The following TMEM260 variants were observed in gnomAD, a reference collection of about 807,000 sequenced individuals.
TMEM260 encodes transmembrane protein 260, also known as protein O-mannosyl-transferase TMEM260.
Under a neutral mutation model 88.9 loss-of-function variants are expected in TMEM260, and 82 were observed. The ratio of observed to expected loss-of-function variants is 0.92; its 90% confidence interval spans 0.77 to 1.11. The LOEUF is 1.11. TMEM260 is among the 50% of genes least tolerant of loss of function. The pLI, the probability that TMEM260 is intolerant of heterozygous loss-of-function variation, is 0.00. For synonymous variants in TMEM260, 314 were observed against 309.3 expected (o/e 1.02, Z -0.16); for missense variants, 902 against 853.4 (o/e 1.06, Z -0.71).
chr14:56,646,936 C>A lies in TMEM260; in HGVS notation c.1870-307C>A, dbSNP rs569654319. Among the ~76,000 whole-genome samples, 199 of 151,776 alleles carry A rather than the reference C, an allele frequency of 1.3e-3. 1 individual carries two copies. The highest frequency in any genetic ancestry group is 1.9e-3 in the Non-Finnish European group (129 of 67,962). On this transcript the variant is annotated intron_variant, in intron 15 of 15. Transcript: ENST00000261556. ...GTAAATAGCTTTCCATGAATTAAAA[C>A]TAAATCCCTTCCCCAGAACATCTTT...
intron 12 of TMEM260, among the ~76,000 whole-genome samples, chr14:56,628,765 T>A (rs1888394739): frequency 6.6e-6 from 1 of 152,108 alleles, no homozygotes; most frequent in Non-Finnish European, 1.5e-5. Flanking sequence ...TATATTTGAG[T>A]CTTATTTTAC....
At chr14:56,653,618 G>C (rs1383285623), downstream of TMEM260, among the ~76,000 whole-genome samples, 1 of 151,322 alleles carries the variant, frequency 6.6e-6, no homozygotes, top group Non-Finnish European at 1.5e-5. Flanking sequence ...CCTTTAATCT[G>C]AGCCACTCAG....
intron 2 of TMEM260, among the ~76,000 whole-genome samples, chr14:56,585,400 G>C (rs1365957294): frequency 6.6e-6 from 1 of 152,124 alleles, no homozygotes; most frequent in Non-Finnish European, 1.5e-5. Context: ...TCCGATAGCA[G>C]TGTGGTCTTT....
intron 3 of TMEM260, among the ~76,000 whole-genome samples, chr14:56,602,180 GA>G: frequency 6.6e-6 from 1 of 152,120 alleles, no homozygotes; most frequent in East Asian, 1.9e-4. Flanking sequence ...AATTGTTACA[GA>G]CAATTAAATA....
chr14:56,660,860 C>T, the TMEM260 span, among the ~76,000 whole-genome samples: 1 of 152,198 alleles, frequency 6.6e-6, no homozygotes, highest in Admixed American at 6.5e-5. Context: ...AATAGTGCAC[C>T]TGTCCACAAG....
intron 3 of TMEM260, among the ~76,000 whole-genome samples, chr14:56,591,084 AG>A (rs1309955033): frequency 2.0e-5 from 3 of 152,232 alleles, no homozygotes; most frequent in African/African-American, 7.2e-5. Flanking sequence ...AACAAATGTC[AG>A]ATTATGAAAA....
At chr14:56,653,745 A>AAAAAAAAAAAAAAAAAAAAAAAAACAAC, downstream of TMEM260, among the ~76,000 whole-genome samples, 1 of 137,368 alleles carries the variant, frequency 7.3e-6, no homozygotes, top group Non-Finnish European at 1.6e-5. Context: ...CCAAAACAAA[A>AAAAAAAAAAAAAAAAAAAAAAAAACAAC]AAAAAAAAAA....
intron 3 of TMEM260, among the ~76,000 whole-genome samples, chr14:56,595,962 A>G (rs941032775): frequency 3.3e-5 from 5 of 152,188 alleles, no homozygotes; most frequent in African/African-American, 1.2e-4. Flanking sequence ...TGGAAGATCT[A>G]TCCATACAAA....
chr14:56,587,078 T>C (rs1038886553), intron 3 of TMEM260, among the ~76,000 whole-genome samples: 2 of 151,914 alleles, frequency 1.3e-5, no homozygotes, highest in Non-Finnish European at 2.9e-5. Context: ...GAGTCTTTTG[T>C]AATTAATAAT....
intron 1 of TMEM260, among the ~76,000 whole-genome samples, chr14:56,580,461 T>A (rs1159401798): frequency 6.6e-6 from 1 of 152,234 alleles, no homozygotes; most frequent in African/African-American, 2.4e-5. Context: ...TAATTGCTAG[T>A]GTTCCAGTGC....
At chr14:56,607,908 T>C (rs554401685) in intron 5 of TMEM260, among the ~76,000 whole-genome samples, 1 of 152,338 alleles carries the variant, frequency 6.6e-6, no homozygotes, top group Admixed American at 6.5e-5. Context: ...CCTGTTTATT[T>C]CTCACACAAA....
At chr14:56,604,048 T>A in intron 4 of TMEM260, 56 bp downstream of exon 4, 2 of 1,485,356 alleles carry the variant, frequency 1.3e-6, no homozygotes, top group Non-Finnish European at 1.8e-6. Flanking sequence ...TAGACAGATG[T>A]ATTTCTTTTT....
intron 1 of TMEM260, 111 bp downstream of exon 1, chr14:56,580,185 C>G: frequency 1.2e-6 from 1 of 844,052 alleles, no homozygotes; most frequent in African/African-American, 1.7e-5. Context: ...CTCTGGGCCT[C>G]CATCCACCCC....
intron 3 of TMEM260, among the ~76,000 whole-genome samples, chr14:56,596,379 A>AGTGTGTGT (rs1179693743): frequency 2.0e-5 from 1 of 50,108 alleles, no homozygotes; most frequent in African/African-American, 9.1e-5. Context: ...TATATATGTG[A>AGTGTGTGT]GAGTGTGTGT....
chr14:56,617,410 A>C, intron 9 of TMEM260, 113 bp downstream of exon 9: 1 of 639,330 alleles, frequency 1.6e-6, no homozygotes, highest in Non-Finnish European at 2.7e-6. Context: ...TTAAAATTTT[A>C]TATACATTTT....
At chr14:56,644,568 G>T (rs374896714) in intron 15 of TMEM260, among the ~76,000 whole-genome samples, 2 of 152,066 alleles carry the variant, frequency 1.3e-5, no homozygotes, top group African/African-American at 2.4e-5. Context: ...AACCTAGGCA[G>T]TACCATTCAG....
chr14:56,627,068 T>A (rs565579555), intron 12 of TMEM260, among the ~76,000 whole-genome samples: 7 of 152,154 alleles, frequency 4.6e-5, no homozygotes, highest in Non-Finnish European at 8.8e-5. Flanking sequence ...AGACGCATAA[T>A]AATTTAACGA....
chr14:56,637,834 T>C lies in TMEM260; in HGVS notation c.1869+1236T>C, dbSNP rs566546126. Among the ~76,000 whole-genome samples, 9 of 149,650 alleles carry C rather than the reference T, an allele frequency of 6.0e-5. No homozygotes were observed. In the South Asian group the frequency reaches 1.7e-3, roughly 28 times the overall value. On this transcript the variant is annotated intron_variant, in intron 15 of 15. Coordinates refer to ENST00000261556, the MANE Select transcript of TMEM260 (RefSeq NM_017799.4). ...ACCCACTCCATAGCAAATAGTGTGT[T>C]GGAGACAACCAAGTCTTATCCCTGC...
chr14:56,600,747 T>G (rs1046069546), intron 3 of TMEM260, among the ~76,000 whole-genome samples: 14 of 152,162 alleles, frequency 9.2e-5, no homozygotes, highest in African/African-American at 3.4e-4. Context: ...CATTGAAAGA[T>G]CCACTACGCT....
Sources: allele counts gnomAD v4.1 joint callset (sites outside exome capture counted in the v4.1 genomes callset), GRCh38; gene constraint gnomAD v4.1.1; transcripts MANE v1.5; gene names NCBI Gene and HGNC (gene_info 2026-07-23, HGNC 2026-07-21).